Variants in ZNF25 observed in about 807,000 individuals in gnomAD.
ZNF25 encodes zinc finger protein 25, also known as zinc finger protein 25 (KOX 19).
ZNF25 carries 21 observed loss-of-function variants against 30.9 expected under a neutral mutation model. The ratio of observed to expected loss-of-function variants is 0.68; its 90% CI spans 0.48 to 0.98. The LOEUF is 0.98. Ranked by LOEUF, ZNF25 falls within the 50% of genes least tolerant of loss-of-function variation. The probability of loss-of-function intolerance (pLI) is 0.00; values close to 1 mark genes in which losing one functional copy is unlikely to be tolerated. For synonymous variants in ZNF25, 169 were observed against 181.3 expected (o/e 0.93, Z 0.55); for missense variants, 501 against 529.9 (o/e 0.95, Z 0.54).
intron 2 of ZNF25, among the ~76,000 whole-genome samples, chr10:37,964,942 G>A (rs1012841196): frequency 5.3e-5 from 8 of 152,194 alleles, no homozygotes; most frequent in Non-Finnish European, 7.3e-5. Flanking sequence ...CAGGGGCCAG[G>A]CCTAAGGCAA....
intron 5 of ZNF25, chr10:37,953,476 C>T: frequency 3.3e-6 from 2 of 612,780 alleles, no homozygotes; most frequent in Non-Finnish European, 5.7e-6. Context: ...TTACTTAATT[C>T]AGAAGAGTAA....
intron 2 of ZNF25, among the ~76,000 whole-genome samples, chr10:37,960,623 CAAAAAAAAAAA>C (rs201582068): frequency 4.6e-5 from 3 of 65,724 alleles, no homozygotes; most frequent in Non-Finnish European, 7.6e-5. Context: ...GACTCCATCT[CAAAAAAAAAAA>C]AAAAAAAAAA....
intron 2 of ZNF25, among the ~76,000 whole-genome samples, chr10:37,962,275 A>G (rs1290107117): frequency 6.6e-6 from 1 of 152,116 alleles, no homozygotes; most frequent in Non-Finnish European, 1.5e-5. Flanking sequence ...ATATATAAGA[A>G]TAAGAACTTA....
rs769741860 is a variant in ZNF25, at chr10:37,952,821, CCT to C, written c.675_676del (p.Lys228ThrfsTer3). 4.7e-5 allele frequency: 76 copies of C among 1,613,856 alleles called. No homozygotes were observed. The highest frequency in any genetic ancestry group is 1.8e-4 in the East Asian group (8 of 44,858). ...TTCAGTACATTCAAAAGGTTTCTCC[CCT>C]GTGTGTGTTTTCTGATGTTCTGTGA... On this transcript the variant is annotated frameshift_variant, in exon 6 of 6. Transcript: ENST00000302609. LOFTEE classifies it high-confidence loss of function.
At chr10:37,972,810 G>A (rs565164606) in intron 1 of ZNF25, among the ~76,000 whole-genome samples, 26 of 152,166 alleles carry the variant, frequency 1.7e-4, no homozygotes, top group South Asian at 8.3e-4. Context: ...AGACTCCACC[G>A]AAAAAACTGG....
intron 2 of ZNF25, among the ~76,000 whole-genome samples, chr10:37,963,124 A>T (rs949629636): frequency 3.4e-5 from 5 of 144,940 alleles, no homozygotes; most frequent in Admixed American, 2.8e-4. Flanking sequence ...TTATTTATTT[A>T]TTTATTTTTT....
At chr10:37,959,661 G>A (rs1023562522) in intron 2 of ZNF25, among the ~76,000 whole-genome samples, 1 of 151,938 alleles carries the variant, frequency 6.6e-6, no homozygotes, top group Non-Finnish European at 1.5e-5. Flanking sequence ...CCAGGCTGGA[G>A]TGCAATGGTG....
At chr10:37,957,612 T>G in intron 2 of ZNF25, 66 bp from the exon 3 acceptor site, 1 of 1,553,194 alleles carries the variant, frequency 6.4e-7, no homozygotes, top group Non-Finnish European at 8.7e-7. Context: ...TGAAAAGACA[T>G]GTGAACTAGC....
At chr10:37,971,243 G>A (rs1051253208) in intron 2 of ZNF25, among the ~76,000 whole-genome samples, 1 of 151,132 alleles carries the variant, frequency 6.6e-6, no homozygotes, top group African/African-American at 2.4e-5. Context: ...TTGAACCTGG[G>A]AGACAGAGGC....
chr10:37,970,933 T>C (rs1326814952), intron 2 of ZNF25, among the ~76,000 whole-genome samples: 2 of 152,214 alleles, frequency 1.3e-5, no homozygotes, highest in Non-Finnish European at 2.9e-5. Flanking sequence ...TATCACTTTG[T>C]CCTCCTAAAT....
intron 5 of ZNF25, 111 bp from the exon 6 acceptor site, chr10:37,953,306 T>C (rs2062296050): frequency 3.1e-6 from 3 of 969,010 alleles, no homozygotes. Flanking sequence ...TTTCTAGAGA[T>C]GTTCCCATAT....
intron 1 of ZNF25, among the ~76,000 whole-genome samples, chr10:37,974,827 C>T (rs1318651984): frequency 6.6e-6 from 1 of 152,144 alleles, no homozygotes; most frequent in Non-Finnish European, 1.5e-5. Flanking sequence ...TTTATCGCAG[C>T]ACTATTCACA....
intron 2 of ZNF25, among the ~76,000 whole-genome samples, chr10:37,962,252 A>T (rs890816366): frequency 1.3e-5 from 2 of 152,064 alleles, no homozygotes; most frequent in African/African-American, 2.4e-5. Context: ...AAAAAAAAAA[A>T]AAAAGCTAAC....
chr10:37,968,296 T>A (rs577082663), intron 2 of ZNF25, among the ~76,000 whole-genome samples: 1 of 151,920 alleles, frequency 6.6e-6, no homozygotes, highest in East Asian at 1.9e-4. Flanking sequence ...GACCTCGTGA[T>A]CCGCCTGCCT....
intron 5 of ZNF25, 96 bp downstream of exon 5, chr10:37,953,599 A>C: frequency 3.5e-6 from 4 of 1,142,354 alleles, no homozygotes; most frequent in Non-Finnish European, 5.2e-6. Flanking sequence ...TAGTTTTCTC[A>C]CGTTTAGTAT....
intron 1 of ZNF25, among the ~76,000 whole-genome samples, chr10:37,973,578 C>A (rs1466651314): frequency 2.3e-5 from 3 of 131,422 alleles, no homozygotes; most frequent in Non-Finnish European, 4.7e-5. Context: ...AAGATTGCAC[C>A]AAACTGAGCC....
intron 1 of ZNF25, among the ~76,000 whole-genome samples, chr10:37,972,631 T>A (rs1345825370): frequency 6.6e-6 from 1 of 152,122 alleles, no homozygotes; most frequent in Non-Finnish European, 1.5e-5. Flanking sequence ...CAGTTAATCA[T>A]CATAATTCTC....
intron 2 of ZNF25, among the ~76,000 whole-genome samples, chr10:37,970,083 C>T (rs1475714575): frequency 6.6e-6 from 1 of 152,022 alleles, no homozygotes; most frequent in Non-Finnish European, 1.5e-5. Context: ...TTGAAATTTG[C>T]CATGGTGGGA....
chr10:37,972,395 T>C (rs1169181008), intron 1 of ZNF25, among the ~76,000 whole-genome samples: 1 of 152,188 alleles, frequency 6.6e-6, no homozygotes, highest in Non-Finnish European at 1.5e-5. Flanking sequence ...GTTTCAATGC[T>C]TTTGTCTTCA....
Sources: gnomAD v4.1 joint callset for allele counts (sites outside exome capture counted in the v4.1 genomes callset) on GRCh38, gnomAD v4.1.1 for gene constraint, MANE v1.5 for transcripts, NCBI Gene and HGNC (gene_info 2026-07-23, HGNC 2026-07-21) for gene names.